Variants in RMDN2 observed in about 807,000 individuals in gnomAD.
The protein encoded by RMDN2 is regulator of microtubule dynamics 2, also known as regulator of microtubule dynamics protein 2.
RMDN2 carries 61 observed loss-of-function variants against 52.8 expected under a neutral mutation model. The observed-to-expected ratio is 1.16, with a 90% CI of 0.94 to 1.43. The LOEUF (loss-of-function observed/expected upper bound fraction) is 1.43. RMDN2 is among the 40% of genes most tolerant of loss of function. The pLI is 0.00. For synonymous variants in RMDN2, 180 were observed against 153.1 expected (o/e 1.18, Z -1.30); for missense variants, 592 against 475.3 (o/e 1.25, Z -2.28).
intron 10 of RMDN2, among the ~76,000 whole-genome samples, chr2:38,055,136 G>A (rs563647846): frequency 2.6e-5 from 4 of 152,090 alleles, no homozygotes; most frequent in African/African-American, 7.2e-5. Context: ...CCAGGACCAG[G>A]TCTACTTTCC....
chr2:37,951,778 A>T (rs747954992), intron 2 of RMDN2: 1 of 1,613,494 alleles, frequency 6.2e-7, no homozygotes, highest in Non-Finnish European at 8.5e-7. Context: ...AAAAATTTTA[A>T]GAATTTTGAA....
At chr2:37,941,277 A>G (rs577199162) in intron 2 of RMDN2, among the ~76,000 whole-genome samples, 131 of 384 alleles carry the variant, frequency 0.34, 1 homozygote, top group South Asian at 0.5. Flanking sequence ...GCTTCATCCC[A>G]GAGGGCACCC....
intron 2 of RMDN2, among the ~76,000 whole-genome samples, chr2:37,957,863 T>C (rs1394922115): frequency 2.0e-5 from 3 of 152,212 alleles, no homozygotes; most frequent in African/African-American, 7.2e-5. Context: ...TTTCTGCATA[T>C]GGCTAGCCAG....
intron 2 of RMDN2, among the ~76,000 whole-genome samples, chr2:37,961,273 T>A (rs13027404): frequency 0.28 from 43,200 of 151,868 alleles, 6,666 homozygotes; most frequent in East Asian, 0.63. Flanking sequence ...GATAATATCC[T>A]GAAGAGTGTT....
At chr2:37,996,588 CAAAAAAAAAAAAGAAAAAA>C (rs761548432) in intron 7 of RMDN2, among the ~76,000 whole-genome samples, 37 of 110,090 alleles carry the variant, frequency 3.4e-4, no homozygotes, top group Admixed American at 3.4e-4. Context: ...GAGACATTGC[CAAAAAAAAAAAAGAAAAAA>C]AAAAAAAAAA....
rs1672322100 is a variant in RMDN2, at chr2:37,975,287, CAAGAA to C, written c.710_714del (p.Lys237ThrfsTer4). 3.7e-6 allele frequency: 6 copies of C among 1,602,114 alleles called. No individual in the cohort carries two copies. Among genetic ancestry groups the C allele is most frequent in the Non-Finnish European group, 5.1e-6 (6 of 1,169,646 alleles). On this transcript the variant is annotated frameshift_variant, in exon 4 of 11. Transcript: ENST00000354545. LOFTEE classifies it high-confidence loss of function. The stretch of plus-strand genomic sequence containing the variant: ...CATGTATGAACTATCTACAAACACA[CAAGAA>C]AAGAAACATTATGCTAATATTGGTA...
chr2:37,998,640 C>T (rs546689526), intron 8 of RMDN2, among the ~76,000 whole-genome samples: 123 of 152,258 alleles, frequency 8.1e-4, no homozygotes, highest in African/African-American at 2.8e-3. Context: ...TTTCTTCTCA[C>T]TTTCTATCTC....
At chr2:38,042,767 A>G (rs1468605050) in intron 10 of RMDN2, among the ~76,000 whole-genome samples, 1 of 152,082 alleles carries the variant, frequency 6.6e-6, no homozygotes, top group Non-Finnish European at 1.5e-5. Context: ...TTACTTTGTT[A>G]TTTATACATT....
chr2:37,934,361 C>G (rs1667111476), intron 2 of RMDN2, among the ~76,000 whole-genome samples: 1 of 152,118 alleles, frequency 6.6e-6, no homozygotes, highest in South Asian at 2.1e-4. Context: ...TATGCCTTTT[C>G]TGGGGCTCAG....
At chr2:37,942,279 A>T (rs1231682655) in intron 2 of RMDN2, among the ~76,000 whole-genome samples, 1 of 152,176 alleles carries the variant, frequency 6.6e-6, no homozygotes, top group African/African-American at 2.4e-5. Flanking sequence ...CCTCAGTTGG[A>T]AATGCAGAAA....
At chr2:38,034,310 A>C (rs976025429) in intron 10 of RMDN2, among the ~76,000 whole-genome samples, 1 of 152,230 alleles carries the variant, frequency 6.6e-6, no homozygotes, top group African/African-American at 2.4e-5. Flanking sequence ...ACCCTCTACC[A>C]CTATCTTGGA....
intron 2 of RMDN2, among the ~76,000 whole-genome samples, chr2:37,968,199 G>A (rs1406037352): frequency 2.6e-5 from 4 of 152,110 alleles, no homozygotes; most frequent in African/African-American, 9.7e-5. Flanking sequence ...CCAGCACTTT[G>A]GGAGGACGAG....
At chr2:37,967,702 C>G (rs987977994) in intron 2 of RMDN2, among the ~76,000 whole-genome samples, 1 of 152,184 alleles carries the variant, frequency 6.6e-6, no homozygotes, top group Non-Finnish European at 1.5e-5. Context: ...TTCCTCTCAT[C>G]GAACAAGGGC....
At chr2:37,978,813 T>TAGATAGATAGAC (rs1180325489) in intron 4 of RMDN2, among the ~76,000 whole-genome samples, 2 of 151,714 alleles carry the variant, frequency 1.3e-5, no homozygotes, top group Non-Finnish European at 2.9e-5. Flanking sequence ...GATAGATAGA[T>TAGATAGATAGAC]AGAGAACAGG....
chr2:37,976,045 C>T (rs1672421174), intron 4 of RMDN2, among the ~76,000 whole-genome samples: 1 of 152,198 alleles, frequency 6.6e-6, no homozygotes, highest in African/African-American at 2.4e-5. Flanking sequence ...TAATGTAGAA[C>T]TCTAGGGACT....
chr2:38,064,019 T>C (rs1004301970), intron 10 of RMDN2, among the ~76,000 whole-genome samples: 1 of 152,202 alleles, frequency 6.6e-6, no homozygotes, highest in Admixed American at 6.5e-5. Context: ...TACATAAATA[T>C]ATATCTATGA....
chr2:37,986,470 C>G (rs75468973), intron 5 of RMDN2, among the ~76,000 whole-genome samples: 1 of 152,192 alleles, frequency 6.6e-6, no homozygotes, highest in East Asian at 1.9e-4. Context: ...ATACCAACAT[C>G]AGACACTGGA....
At chr2:38,002,717 C>T (rs1166690423) in intron 8 of RMDN2, among the ~76,000 whole-genome samples, 1 of 152,180 alleles carries the variant, frequency 6.6e-6, no homozygotes, top group African/African-American at 2.4e-5. Context: ...TAGTGGTTAC[C>T]TCTGTGGCAT....
At chr2:37,974,404 G>A (rs1672195530) in intron 3 of RMDN2, among the ~76,000 whole-genome samples, 190 bp downstream of exon 3, 1 of 151,176 alleles carries the variant, frequency 6.6e-6, no homozygotes, top group Admixed American at 6.6e-5. Flanking sequence ...TTTTAAAAAA[G>A]TAAATGTAAA....
Sources: allele counts gnomAD v4.1 joint callset (sites outside exome capture counted in the v4.1 genomes callset), GRCh38; gene constraint gnomAD v4.1.1; transcripts MANE v1.5; gene names NCBI Gene and HGNC (gene_info 2026-07-23, HGNC 2026-07-21).